KSR2: variants seen among roughly 807,000 people sequenced by gnomAD.
KSR2 encodes kinase suppressor of ras 2.
A neutral mutation model predicts 107.8 loss-of-function variants in KSR2; 25 were observed. The ratio of observed to expected loss-of-function variants is 0.23; its 90% CI spans 0.17 to 0.32. KSR2 has a LOEUF of 0.32. Among genes scored for constraint, KSR2 ranks in the 10% least tolerant of loss-of-function variants. The probability of loss-of-function intolerance (pLI) is 1.00; values close to 1 mark genes in which losing one functional copy is unlikely to be tolerated. For missense variants in KSR2, 887 were observed against 1,268.9 expected (o/e 0.70, Z 4.57); for synonymous variants, 480 against 507.0 (o/e 0.95, Z 0.71).
intron 5 of KSR2, among the ~76,000 whole-genome samples, chr12:117,601,982 T>C (rs1172489850): frequency 6.6e-6 from 1 of 152,190 alleles, no homozygotes; most frequent in Non-Finnish European, 1.5e-5. Context: ...CCGTCCCAAC[T>C]ATTCAACTCT....
At chr12:117,699,428 T>C (rs183785742) in intron 4 of KSR2, among the ~76,000 whole-genome samples, 7 of 152,336 alleles carry the variant, frequency 4.6e-5, no homozygotes, top group Admixed American at 2.0e-4. Flanking sequence ...GCAAACATCA[T>C]AGAATGTACT....
intron 5 of KSR2, among the ~76,000 whole-genome samples, chr12:117,590,353 C>A (rs1043605619): frequency 2.6e-5 from 4 of 152,176 alleles, no homozygotes; most frequent in African/African-American, 9.7e-5. Flanking sequence ...GAGCATGGGG[C>A]TTTGACGTGA....
intron 5 of KSR2, among the ~76,000 whole-genome samples, chr12:117,617,223 A>T (rs774067289): frequency 6.6e-6 from 1 of 152,140 alleles, no homozygotes; most frequent in South Asian, 2.1e-4. Context: ...AGTTGCACAC[A>T]TTCTTTTCAG....
intron 5 of KSR2, among the ~76,000 whole-genome samples, chr12:117,647,933 A>T (rs7968909): frequency 0.031 from 4,691 of 152,030 alleles, 241 homozygotes; most frequent in African/African-American, 0.11. Context: ...GTTCTCAAAT[A>T]CCTGGGCTCA....
chr12:117,573,088 C>T (rs531762110), intron 7 of KSR2, among the ~76,000 whole-genome samples: 25 of 152,302 alleles, frequency 1.6e-4, no homozygotes, highest in East Asian at 5.8e-4. Context: ...AAATTGCTTT[C>T]GGAGTCTTAA....
intron 4 of KSR2, among the ~76,000 whole-genome samples, chr12:117,760,591 A>G (rs1166794661): frequency 1.3e-5 from 2 of 152,210 alleles, no homozygotes; most frequent in African/African-American, 4.8e-5. Context: ...TAGGAGCGGC[A>G]CTAGGCTAGA....
intron 11 of KSR2, 75 bp from the exon 12 acceptor site, chr12:117,531,088 G>A (rs1265408530): frequency 1.2e-5 from 15 of 1,214,482 alleles, no homozygotes; most frequent in East Asian, 2.4e-5. Context: ...ATTCCTGGGC[G>A]ACATGGCAGC....
chr12:117,469,921 T>TCATCCATC, intron 18 of KSR2, 126 bp from the exon 19 acceptor site: 2 of 867,646 alleles, frequency 2.3e-6, no homozygotes, highest in Non-Finnish European at 3.6e-6. Flanking sequence ...CATCATCCAT[T>TCATCCATC]CATCCATCCA....
intron 15 of KSR2, 103 bp from the exon 16 acceptor site, chr12:117,484,652 A>C: frequency 8.6e-7 from 1 of 1,159,622 alleles, no homozygotes; most frequent in Non-Finnish European, 1.2e-6. Context: ...TGGCTCCCTA[A>C]TGGGACCACA....
chr12:117,661,903 T>C (rs1377687888), intron 5 of KSR2, among the ~76,000 whole-genome samples: 1 of 152,204 alleles, frequency 6.6e-6, no homozygotes, highest in Non-Finnish European at 1.5e-5. Flanking sequence ...AAGAGATCAG[T>C]GCTTTTCTTT....
At position 117,453,036 on chromosome 12, in the gene KSR2, G is replaced by C. The variant is rs1294013263; in HGVS notation, c.*14163C>G. 6.6e-6 allele frequency: 1 copy of C among 152,574 alleles called. No individual in the cohort carries two copies. The highest frequency in any genetic ancestry group is 1.5e-5 in the Non-Finnish European group (1 of 68,024). The allele number at this position is 152,574 out of a possible 1,614,324, so 9.5% of individuals were successfully genotyped here. A position where few individuals can be genotyped will look rare whatever the true frequency, so the allele number is the denominator to read the frequency against. ...CAACAATAGAATTCAGACCTGTCTT[G>C]GCAGTAGTGCAATGCAGTAATTCTC... On this transcript the variant is annotated 3_prime_UTR_variant, in exon 20 of 20. Coordinates refer to ENST00000339824, the MANE Select transcript of KSR2 (RefSeq NM_173598.6).
intron 1 of KSR2, among the ~76,000 whole-genome samples, chr12:117,862,503 AAAAATAAAAT>A (rs1156634320): frequency 1.3e-5 from 2 of 151,918 alleles, no homozygotes; most frequent in African/African-American, 4.8e-5. Context: ...CTGTCTCTAC[AAAAATAAAAT>A]AAAATAAAAT....
chr12:117,823,117 C>CA lies in KSR2; in HGVS notation c.472+32310dup, dbSNP rs547749914. ...AAGTGAGAATGGCATTCAAGGAACT[C>CA]AAAAAAAAAAAAAGTGTGGCTGGAG... On this transcript the variant is annotated intron_variant, in intron 3 of 19. Transcript: ENST00000339824. Among the ~76,000 whole-genome samples the CA allele has an allele frequency of 8.6e-4, 105 of 122,756 alleles. 1 individual carries two copies. Among genetic ancestry groups the CA allele is most frequent in the South Asian group, 5.2e-3 (20 of 3,820 alleles). The allele number at this position is 122,756 out of a possible 152,430, so 80.5% of individuals were successfully genotyped here. A position where few individuals can be genotyped will look rare whatever the true frequency, so the allele number is the denominator to read the frequency against.
chr12:117,655,846 C>T (rs775414491), intron 5 of KSR2, among the ~76,000 whole-genome samples: 7 of 152,174 alleles, frequency 4.6e-5, no homozygotes, highest in Non-Finnish European at 8.8e-5. Flanking sequence ...AGGAAGAGTA[C>T]GCATGGAATA....
chr12:117,605,648 A>G (rs1199708851), intron 5 of KSR2, among the ~76,000 whole-genome samples: 1 of 152,190 alleles, frequency 6.6e-6, no homozygotes, highest in Non-Finnish European at 1.5e-5. Flanking sequence ...AATAGAAATC[A>G]TTCTATTACA....
intron 15 of KSR2, among the ~76,000 whole-genome samples, 190 bp from the exon 16 acceptor site, chr12:117,484,739 G>A (rs1376435416): frequency 6.6e-6 from 1 of 152,186 alleles, no homozygotes; most frequent in Non-Finnish European, 1.5e-5. Context: ...AGCGGGAACA[G>A]GCAGGGCCCC....
chr12:117,703,351 T>C (rs113195717), intron 4 of KSR2, among the ~76,000 whole-genome samples: 2,190 of 152,252 alleles, frequency 0.014, 30 homozygotes, highest in Non-Finnish European at 0.025. Context: ...CCTAGGATAC[T>C]AAATTTAAGT....
chr12:117,787,777 A>G (rs766990145), intron 3 of KSR2, among the ~76,000 whole-genome samples: 3 of 152,222 alleles, frequency 2.0e-5, no homozygotes, highest in Non-Finnish European at 4.4e-5. Flanking sequence ...AAGCAGACTA[A>G]CCAGAAAGAC....
chr12:117,714,199 G>C (rs953769096), intron 4 of KSR2, among the ~76,000 whole-genome samples: 1 of 152,072 alleles, frequency 6.6e-6, no homozygotes, highest in Non-Finnish European at 1.5e-5. Flanking sequence ...TTTTTGGAGC[G>C]GCAGGTGGAA....
Sources: gnomAD v4.1 joint callset for allele counts (sites outside exome capture counted in the v4.1 genomes callset) on GRCh38, gnomAD v4.1.1 for gene constraint, MANE v1.5 for transcripts, NCBI Gene and HGNC (gene_info 2026-07-23, HGNC 2026-07-21) for gene names.